LRRC15: variants seen among roughly 807,000 people sequenced by gnomAD.
LRRC15 encodes the protein leucine rich repeat containing 15.
In LRRC15, 5 loss-of-function variants were observed where a neutral mutation model predicts 4.3. That is an observed-to-expected ratio of 1.16 (90% confidence interval 0.61 to 2.44). The LOEUF is 2.44. Ranked by LOEUF, LRRC15 falls within the 30% of genes most tolerant of loss-of-function variation. The probability of loss-of-function intolerance (pLI) is 0.01; values close to 1 mark genes in which losing one functional copy is unlikely to be tolerated. For synonymous variants in LRRC15, 337 were observed against 323.2 expected (o/e 1.04, Z -0.46); for missense variants, 769 against 747.0 (o/e 1.03, Z -0.34).
chr3:194,362,934 ATTTTGT>A (rs754218608), intron 1 of LRRC15, among the ~76,000 whole-genome samples: 4,679 of 114,574 alleles, frequency 0.041, 122 homozygotes, highest in African/African-American at 0.079. Flanking sequence ...ACAGACCTTG[ATTTTGT>A]TTTTTTTTTT....
In LRRC15 at chr3:194,358,764, C is replaced by T. The variant is rs1713504781; in HGVS notation, c.*534G>A. 1 of 153,916 alleles carries T rather than the reference C, an allele frequency of 6.5e-6. No individual in the cohort carries two copies. Among genetic ancestry groups the T allele is most frequent in the African/African-American group, 2.4e-5 (1 of 41,444 alleles). The allele number at this position is 153,916 out of a possible 1,614,324, so 9.5% of individuals were successfully genotyped here. A position where few individuals can be genotyped will look rare whatever the true frequency, so the allele number is the denominator to read the frequency against. On this transcript the variant is annotated 3_prime_UTR_variant, in exon 2 of 2. Coordinates refer to ENST00000347624, the MANE Select transcript of LRRC15 (RefSeq NM_130830.5). ...AAGTCTTCTTTGAGGAGAGAACTCA[C>T]CCTGCCTTCAGGAGCAGAAAATCAA...
chr3:194,359,218 AC>A lies in LRRC15; in HGVS notation c.*79del. On this transcript the variant is annotated 3_prime_UTR_variant, in exon 2 of 2. Coordinates refer to ENST00000347624, the MANE Select transcript of LRRC15 (RefSeq NM_130830.5). ...GAGCAATCACGGGAAAGCTCCATGGACCCAGGGGTGGAGGCAGAAAGATGAA... is the reference window on the plus strand; with the variant it reads ...GAGCAATCACGGGAAAGCTCCATGGACCAGGGGTGGAGGCAGAAAGATGAA... 1 of 1,347,446 alleles carries A rather than the reference AC, an allele frequency of 7.4e-7. No homozygotes were observed. Among genetic ancestry groups the A allele is most frequent in the Non-Finnish European group, 1.0e-6 (1 of 986,070 alleles). The allele number at this position is 1,347,446 out of a possible 1,614,324, so 83.5% of individuals were successfully genotyped here. A position where few individuals can be genotyped will look rare whatever the true frequency, so the allele number is the denominator to read the frequency against.
intron 1 of LRRC15, chr3:194,363,247 G>A: frequency 1.8e-6 from 1 of 565,482 alleles, no homozygotes; most frequent in Admixed American, 3.2e-5. Flanking sequence ...CCAAGACCTT[G>A]ATTTTTTTAC....
chr3:194,364,713 A>G (rs1320082722), intron 1 of LRRC15, among the ~76,000 whole-genome samples: 1 of 152,242 alleles, frequency 6.6e-6, no homozygotes. Context: ...AAAATGGGCC[A>G]CACTCAGCAT....
chr3:194,360,259 G>A lies in LRRC15; in HGVS notation c.785C>T (p.Pro262Leu), dbSNP rs985468257. ...LSNNHISQLP[P>L]SVFMQLPQLN... ...CTGGGGCAGCTGCATGAAGACGCTG[G>A]GTGGCAGCTGGGAGATGTGGTTGTT... Residue 262 changes from proline (P) to leucine (L), a missense_variant, in exon 2 of 2, where the codon CCC becomes CTC. Physicochemically the swap from Pro to Leu is moderately conservative, Grantham distance 98. Coordinates refer to ENST00000347624, the MANE Select transcript of LRRC15 (RefSeq NM_130830.5). 2 of 1,613,736 alleles carry A rather than the reference G, an allele frequency of 1.2e-6. No homozygotes were observed. Among genetic ancestry groups the A allele is most frequent in the Non-Finnish European group, 8.5e-7 (1 of 1,179,738 alleles).
At chr3:194,366,028 C>A (rs1452073908) in intron 1 of LRRC15, among the ~76,000 whole-genome samples, 1 of 152,216 alleles carries the variant, frequency 6.6e-6, no homozygotes, top group African/African-American at 2.4e-5. Flanking sequence ...ACCCAACAAG[C>A]CTGAGGGCTC....
At position 194,357,889 on chromosome 3, in the gene LRRC15, C is replaced by A. The variant is rs1713477818; in HGVS notation, c.*1409G>T. ...GAAGAATGAAAATTAAAAACAGATA[C>A]AGGCATATCACGTCCATAGAAGGCT... On this transcript the variant is annotated 3_prime_UTR_variant, in exon 2 of 2. Transcript: ENST00000347624. 1 of 152,244 alleles carries A rather than the reference C, an allele frequency of 6.6e-6. No homozygotes were observed. Among genetic ancestry groups the A allele is most frequent in the African/African-American group, 2.4e-5 (1 of 41,458 alleles). 9.4% of individuals were successfully genotyped at this position (152,244 alleles called of 1,614,324 possible). A position where few individuals can be genotyped will look rare whatever the true frequency, so the allele number is the denominator to read the frequency against.
chr3:194,364,435 G>A (rs778863634), intron 1 of LRRC15, among the ~76,000 whole-genome samples: 3 of 152,142 alleles, frequency 2.0e-5, no homozygotes, highest in African/African-American at 7.2e-5. Context: ...GCTTCAAAAC[G>A]GTGTCACAGC....
In LRRC15 at chr3:194,359,353, C is replaced by G. The variant is rs200634682; in HGVS notation, c.1691G>C (p.Cys564Ser). ...SLAACVGCCC[C>S]KKRSQAVLMQ... ...CAGGACAGCTTGGCTCCTCTTCTTG[C>G]AGCAGCAACAGCCGACGCAGGCAGC... Residue 564 changes from cysteine (C) to serine (S), a missense_variant, in exon 2 of 2, where the codon TGC (cysteine) becomes TCC (serine). By Grantham distance (112) the Cys-to-Ser change is moderately radical. Transcript: ENST00000347624. 1.2e-4 allele frequency: 187 copies of G among 1,613,506 alleles called. No individual in the cohort carries two copies. The highest frequency in any genetic ancestry group is 1.5e-4 in the Non-Finnish European group (172 of 1,179,786).
In LRRC15 at chr3:194,360,228, G is replaced by T; in HGVS notation, c.816C>A (p.Asn272Lys). ...PSVFMQLPQL[N>K]RLTLFGNSLK... The stretch of plus-strand genomic sequence containing the variant: ...GGGAATTCCCAAAGAGAGTAAGACG[G>T]TTGAGCTGGGGCAGCTGCATGAAGA... The change falls in exon 2 of 2, where the codon AAC becomes AAA. Residue 272 changes from asparagine to lysine, a missense_variant. Coordinates refer to ENST00000347624, the MANE Select transcript of LRRC15 (RefSeq NM_130830.5). 6.2e-7 allele frequency: 1 copy of T among 1,613,838 alleles called. No individual in the cohort carries two copies. Among genetic ancestry groups the T allele is most frequent in the Non-Finnish European group, 8.5e-7 (1 of 1,179,752 alleles).
At position 194,361,160 on chromosome 3, in the gene LRRC15, A is replaced by C. The variant is rs910502240; in HGVS notation, c.-3-114T>G. On this transcript the variant is annotated intron_variant, in intron 1 of 1. Coordinates refer to ENST00000347624, the MANE Select transcript of LRRC15 (RefSeq NM_130830.5). ...TGGCTTGGCTTTGAACCCCATCATCACATACTGAACACATGCTCTCTCTGC... is the reference window on the plus strand; with the variant it reads ...TGGCTTGGCTTTGAACCCCATCATCCCATACTGAACACATGCTCTCTCTGC... The C allele has an allele frequency of 2.5e-5, 21 of 833,832 alleles. No individual in the cohort carries two copies. In the African/African-American group the frequency reaches 3.1e-4, roughly 12 times the overall value. The allele number at this position is 833,832 out of a possible 1,614,324, so 51.7% of individuals were successfully genotyped here. A position where few individuals can be genotyped will look rare whatever the true frequency, so the allele number is the denominator to read the frequency against.
Position 194,360,939 on chromosome 3 carries a change from G to A in LRRC15, c.105C>T (p.Ser35=), listed in dbSNP as rs1166666371. The A allele has an allele frequency of 8.2e-6, 13 of 1,591,890 alleles. No individual in the cohort carries two copies. The highest frequency in any genetic ancestry group is 1.1e-5 in the Non-Finnish European group (13 of 1,170,932). The change falls in exon 2 of 2, where the codon TCC becomes TCT. Residue 35 remains serine, a synonymous_variant. Coordinates refer to ENST00000347624, the MANE Select transcript of LRRC15 (RefSeq NM_130830.5). The part of the protein sequence containing the change: ...CPSECTCSRA[S]QVECTGARIV... ...TGCGTGCCCCGGTGCACTCCACCTG[G>A]GAGGCCCTGGAGCAGGTACACTCGC...
At position 194,360,522 on chromosome 3, in the gene LRRC15, T is replaced by G. The variant is rs115927352; in HGVS notation, c.522A>C (p.Gly174=). 1.6e-3 allele frequency: 2,594 copies of G among 1,614,000 alleles called. 35 individuals are homozygous for G. In the African/African-American group the frequency reaches 0.03, roughly 19 times the overall value. ...TCTTGCCCAGATTGAGCTTCGTGAG[T>G]CCTACCAGGTGGTCGAAGGCTCCGT... is the stretch of plus-strand genomic sequence containing the variant. ...IPDGAFDHLV[G]LTKLNLGKNS... is the part of the protein sequence containing the mutation. Residue 174 remains glycine, a synonymous_variant, in exon 2 of 2, where the codon GGA becomes GGC. Transcript: ENST00000347624.
chr3:194,362,294 C>T (rs1713652775), intron 1 of LRRC15, among the ~76,000 whole-genome samples: 1 of 152,212 alleles, frequency 6.6e-6, no homozygotes, highest in Admixed American at 6.5e-5. Flanking sequence ...GTAACTCCCG[C>T]CCCGTTCTTG....
rs751119545 is a variant in LRRC15, at chr3:194,360,600, G to A, written c.444C>T (p.Cys148=). ...GCAACTGCAGCTCCTTGAGGTTGCTGCACTGGGAGAAGTGGGCCGGCTGGA... is the reference window on the plus strand; with the variant it reads ...GCAACTGCAGCTCCTTGAGGTTGCTACACTGGGAGAAGTGGGCCGGCTGGA... ...LQIQPAHFSQ[C]SNLKELQLHG... Residue 148 remains cysteine, a synonymous_variant, in exon 2 of 2, where the codon TGC becomes TGT. Coordinates refer to ENST00000347624, the MANE Select transcript of LRRC15 (RefSeq NM_130830.5). The A allele has an allele frequency of 1.5e-5, 25 of 1,614,058 alleles. No homozygotes were observed. The highest frequency in any genetic ancestry group is 2.1e-5 in the Non-Finnish European group (25 of 1,180,036).
rs1392189482 is a variant in LRRC15 at position 194,367,739 on chromosome 3, A to T, written c.-4+1922T>A. ...CACCCCAAACAGAAACCTTCCTTGAACTCCAAAGCAAGACTGGCCACACCC... is the reference window on the plus strand; with the variant it reads ...CACCCCAAACAGAAACCTTCCTTGATCTCCAAAGCAAGACTGGCCACACCC... On this transcript the variant is annotated intron_variant, in intron 1 of 1. Coordinates refer to ENST00000347624, the MANE Select transcript of LRRC15 (RefSeq NM_130830.5). Among the ~76,000 whole-genome samples, 5 of 151,986 alleles carry T rather than the reference A, an allele frequency of 3.3e-5. No homozygotes were observed. The East Asian group carries it at 9.6e-4, about 29-fold the overall frequency.
rs1560044872 is a variant in LRRC15, at chr3:194,359,998, T to C, written c.1046A>G (p.His349Arg). 1.2e-6 allele frequency: 2 copies of C among 1,614,022 alleles called. No homozygotes were observed. The highest frequency in any genetic ancestry group is 2.7e-5 in the African/African-American group (2 of 74,896). ...GLTELRELSL[H>R]TNALQDLDGN... is the part of the protein sequence containing the mutation. ...GTCCAGGTCCTGCAGTGCGTTGGTG[T>C]GGAGGGACAGCTCCCGAAGCTCCGT... The change falls in exon 2 of 2, where the codon CAC (histidine) becomes CGC (arginine). Residue 349 changes from histidine (H) to arginine (R), a missense_variant. His to Arg is a conservative substitution (Grantham distance 29). Transcript: ENST00000347624.
At position 194,360,870 on chromosome 3, in the gene LRRC15, C is replaced by CA. The variant is rs1560045917; in HGVS notation, c.173dup (p.Gln59AlafsTer9). On this transcript the variant is annotated frameshift_variant, in exon 2 of 2. Transcript: ENST00000347624. LOFTEE classifies it low-confidence loss of function (END_TRUNC). Reference sequence around the variant, plus strand: ...CAGTGATGTGCGTGTTGAGGATCTGCAGGCTCATGGCGTTCCAGGGCAGAG... The same window carrying CA: ...CAGTGATGTGCGTGTTGAGGATCTGCAAGGCTCATGGCGTTCCAGGGCAGAG... The CA allele has an allele frequency of 6.2e-7, 1 of 1,609,336 alleles. No homozygotes were observed. Among genetic ancestry groups the CA allele is most frequent in the East Asian group, 2.2e-5 (1 of 44,784 alleles).
intron 1 of LRRC15, among the ~76,000 whole-genome samples, chr3:194,361,741 CT>C (rs1713633846): frequency 6.6e-6 from 1 of 152,200 alleles, no homozygotes; most frequent in African/African-American, 2.4e-5. Flanking sequence ...GTGGAAGCAG[CT>C]CTTCCTCACC....
Sources: allele counts gnomAD v4.1 joint callset (sites outside exome capture counted in the v4.1 genomes callset), GRCh38; gene constraint gnomAD v4.1.1; transcripts MANE v1.5; gene names NCBI Gene and HGNC (gene_info 2026-07-23, HGNC 2026-07-21).